ROBO2: variants seen among roughly 807,000 people sequenced by gnomAD.
ROBO2 encodes the protein roundabout homolog 2.
ROBO2 carries 53 observed loss-of-function variants against 160.8 expected under a neutral mutation model. The ratio of observed to expected loss-of-function variants is 0.33; its 90% CI spans 0.26 to 0.41. The LOEUF is 0.41. ROBO2 is among the 10% of genes least tolerant of loss of function. The probability of loss-of-function intolerance (pLI) is 1.00; values close to 1 mark genes in which losing one functional copy is unlikely to be tolerated. For synonymous variants in ROBO2, 664 were observed against 611.7 expected, an observed-to-expected ratio of 1.09 and a Z score of -1.26; for missense variants, 1,577 against 1,722.4, an observed-to-expected ratio of 0.92 and a Z score of 1.49.
chr3:77,208,596 GAACT>G (rs1202181426), intron 2 of ROBO2, among the ~76,000 whole-genome samples: 1 of 152,094 alleles, frequency 6.6e-6, no homozygotes. Context: ...TGAATGGACA[GAACT>G]AACAGGCAGA....
At chr3:77,370,240 A>T (rs922248433) in intron 2 of ROBO2, among the ~76,000 whole-genome samples, 2 of 152,198 alleles carry the variant, frequency 1.3e-5, no homozygotes, top group African/African-American at 4.8e-5. Flanking sequence ...TGCTCTCCTT[A>T]GATAGTTCTA....
At chr3:76,498,132 G>A (rs1027863293) in intron 2 of ROBO2, among the ~76,000 whole-genome samples, 5 of 152,028 alleles carry the variant, frequency 3.3e-5, no homozygotes, top group African/African-American at 1.2e-4. Flanking sequence ...AAATTCCTTG[G>A]CATATATTTT....
chr3:76,208,400 T>A (rs190990328), intron 2 of ROBO2, among the ~76,000 whole-genome samples: 1 of 152,332 alleles, frequency 6.6e-6, no homozygotes, highest in East Asian at 1.9e-4. Flanking sequence ...CATATTTATA[T>A]GCTTGAGTAA....
At chr3:76,398,137 A>C (rs1380743165) in intron 2 of ROBO2, among the ~76,000 whole-genome samples, 2 of 151,922 alleles carry the variant, frequency 1.3e-5, no homozygotes, top group African/African-American at 4.8e-5. Context: ...ATGGAATACT[A>C]TGCAGCCATA....
chr3:75,989,230 G>C (rs1023964439), intron 2 of ROBO2, among the ~76,000 whole-genome samples: 11 of 152,052 alleles, frequency 7.2e-5, no homozygotes, highest in Non-Finnish European at 1.5e-4. Context: ...CAATTCTCCT[G>C]CCTCAGCCTC....
chr3:76,472,256 AATAAT>A (rs2078705509), intron 2 of ROBO2, among the ~76,000 whole-genome samples: 1 of 152,182 alleles, frequency 6.6e-6, no homozygotes, highest in African/African-American at 2.4e-5. Context: ...CAATATTTAA[AATAAT>A]ATGTGTTTAT....
chr3:77,220,269 C>A (rs1401284339), intron 2 of ROBO2, among the ~76,000 whole-genome samples: 1 of 152,118 alleles, frequency 6.6e-6, no homozygotes, highest in African/African-American at 2.4e-5. Flanking sequence ...CTTGGCCTCC[C>A]AAAGTGCTGA....
At chr3:76,177,285 T>G (rs1459019848) in intron 2 of ROBO2, among the ~76,000 whole-genome samples, 1 of 152,168 alleles carries the variant, frequency 6.6e-6, no homozygotes, top group African/African-American at 2.4e-5. Flanking sequence ...TAAATTTGAT[T>G]GTGTAGTTTA....
At chr3:75,972,688 TACA>T (rs2065030211) in intron 2 of ROBO2, among the ~76,000 whole-genome samples, 1 of 151,650 alleles carries the variant, frequency 6.6e-6, no homozygotes, top group Non-Finnish European at 1.5e-5. Context: ...ACATCAGTAT[TACA>T]TTGAGACATA....
chr3:75,935,988 A>T (rs563312629), intron 1 of ROBO2, among the ~76,000 whole-genome samples: 7 of 152,336 alleles, frequency 4.6e-5, no homozygotes, highest in Admixed American at 2.6e-4. Context: ...GATTTCTGTG[A>T]AAACTAAATT....
At chr3:76,407,476 GT>G (rs11341258) in intron 2 of ROBO2, among the ~76,000 whole-genome samples, 28,013 of 151,770 alleles carry the variant, frequency 0.18, 3,039 homozygotes, top group African/African-American at 0.3. Flanking sequence ...AACATAGTAT[GT>G]TTGAAGCAGA....
intron 2 of ROBO2, among the ~76,000 whole-genome samples, chr3:76,005,788 C>A (rs906589816): frequency 6.6e-6 from 1 of 151,978 alleles, no homozygotes; most frequent in Non-Finnish European, 1.5e-5. Flanking sequence ...GAGCTACTAA[C>A]AGAAGAAATT....
intron 2 of ROBO2, among the ~76,000 whole-genome samples, chr3:77,413,947 T>C (rs1223635053): frequency 6.6e-6 from 1 of 152,116 alleles, no homozygotes; most frequent in Non-Finnish European, 1.5e-5. Context: ...TTAGAATCTT[T>C]GTGTACATGT....
At chr3:76,281,833 C>T (rs1026142080) in intron 2 of ROBO2, among the ~76,000 whole-genome samples, 2 of 151,924 alleles carry the variant, frequency 1.3e-5, no homozygotes, top group Admixed American at 1.3e-4. Context: ...TTCCTGGTGC[C>T]TATGAGATTG....
intron 1 of ROBO2, among the ~76,000 whole-genome samples, chr3:77,084,954 G>A (rs1317471897): frequency 1.3e-5 from 2 of 152,046 alleles, no homozygotes; most frequent in Non-Finnish European, 2.9e-5. Context: ...GATGTTATCT[G>A]CTGGTCATTT....
intron 2 of ROBO2, among the ~76,000 whole-genome samples, chr3:77,300,612 T>C (rs984725735): frequency 4.1e-4 from 63 of 152,030 alleles, no homozygotes; most frequent in African/African-American, 1.4e-3. Context: ...AAGAGGAAAT[T>C]GCGAGATATA....
At chr3:77,166,176 C>G (rs66710942) in intron 2 of ROBO2, among the ~76,000 whole-genome samples, 4 of 151,674 alleles carry the variant, frequency 2.6e-5, no homozygotes, top group African/African-American at 9.7e-5. Flanking sequence ...AAGAATAGCT[C>G]GAACCCAGGA....
chr3:76,905,735 G>T (rs1456613654), intron 2 of ROBO2, among the ~76,000 whole-genome samples: 1 of 152,014 alleles, frequency 6.6e-6, no homozygotes, highest in Non-Finnish European at 1.5e-5. Context: ...AGTTTTTCTC[G>T]ACATAAATTA....
chr3:77,451,723 T>TG (rs920543244), intron 2 of ROBO2, among the ~76,000 whole-genome samples: 10 of 150,986 alleles, frequency 6.6e-5, no homozygotes, highest in Non-Finnish European at 1.3e-4. Flanking sequence ...TTTCTTTTTT[T>TG]TGTGTGTGAT....
Sources: gnomAD v4.1 joint callset for allele counts (sites outside exome capture counted in the v4.1 genomes callset) on GRCh38, gnomAD v4.1.1 for gene constraint, MANE v1.5 for transcripts, NCBI Gene and HGNC (gene_info 2026-07-23, HGNC 2026-07-21) for gene names.